DPF3: variants seen among roughly 807,000 people sequenced by gnomAD.
DPF3 encodes double PHD fingers 3.
In DPF3, 18 loss-of-function variants were observed where a neutral mutation model predicts 56.8. The ratio of observed to expected loss-of-function variants is 0.32; its 90% confidence interval spans 0.22 to 0.47. The LOEUF (loss-of-function observed/expected upper bound fraction) is 0.47. Ranked by LOEUF, DPF3 falls within the 20% of genes least tolerant of loss-of-function variation. DPF3 has a pLI of 1.00. For synonymous variants in DPF3, 188 were observed against 180.2 expected, an observed-to-expected ratio of 1.04 and a Z score of -0.35; for missense variants, 403 against 488.8, an observed-to-expected ratio of 0.82 and a Z score of 1.65.
intron 7 of DPF3, among the ~76,000 whole-genome samples, chr14:72,685,851 G>C (rs1455966222): frequency 6.6e-6 from 1 of 152,216 alleles, no homozygotes; most frequent in African/African-American, 2.4e-5. Context: ...AAGAGATTCA[G>C]AGACAGCCAA....
At chr14:72,735,826 G>A (rs902630915) in intron 3 of DPF3, among the ~76,000 whole-genome samples, 19 of 152,212 alleles carry the variant, frequency 1.2e-4, no homozygotes, top group South Asian at 4.1e-4. Flanking sequence ...CAGTGTTGGC[G>A]AATCAAACAT....
chr14:72,662,299 T>G, intron 8 of DPF3: 1 of 985,034 alleles, frequency 1.0e-6, no homozygotes, highest in East Asian at 1.1e-4. Context: ...CATTTTTCTT[T>G]AGAGTTAATA....
intron 8 of DPF3, among the ~76,000 whole-genome samples, chr14:72,647,770 C>G (rs2153568267): frequency 1.3e-5 from 2 of 152,228 alleles, no homozygotes; most frequent in Admixed American, 1.3e-4. Flanking sequence ...ATTTTAGCGT[C>G]TATTCAACTA....
intron 8 of DPF3, among the ~76,000 whole-genome samples, chr14:72,657,492 T>G (rs1409582779): frequency 6.6e-6 from 1 of 152,224 alleles, no homozygotes; most frequent in African/African-American, 2.4e-5. Context: ...GTGAGATTTT[T>G]CTGGCTGTGA....
intron 1 of DPF3, among the ~76,000 whole-genome samples, chr14:72,882,962 G>A (rs1166000459): frequency 1.3e-5 from 2 of 152,232 alleles, no homozygotes; most frequent in Admixed American, 1.3e-4. Context: ...GCTCCTCGAT[G>A]TAGGGAGGGA....
chr14:72,651,259 T>C (rs998589324), intron 8 of DPF3, among the ~76,000 whole-genome samples: 3 of 152,206 alleles, frequency 2.0e-5, no homozygotes, highest in African/African-American at 7.2e-5. Context: ...TCCTTCTTCC[T>C]GTTCAGCCAC....
intron 7 of DPF3, among the ~76,000 whole-genome samples, chr14:72,680,014 G>A (rs1567198345): frequency 6.6e-6 from 1 of 152,160 alleles, no homozygotes; most frequent in African/African-American, 2.4e-5. Flanking sequence ...CCTTTAATGA[G>A]GGCTGCGGGA....
intron 1 of DPF3, among the ~76,000 whole-genome samples, chr14:72,868,445 A>G (rs180698873): frequency 1.3e-5 from 2 of 152,284 alleles, no homozygotes; most frequent in African/African-American, 4.8e-5. Flanking sequence ...GGCTGGGAGG[A>G]ACAATGGTGC....
intron 7 of DPF3, chr14:72,675,606 GGCCTCCACTTCCTCCAT>G (rs1405814594): frequency 6.6e-6 from 1 of 152,200 alleles, no homozygotes; most frequent in Non-Finnish European, 1.5e-5. Context: ...GATTCCCTCT[GGCCTCCACTTCCTCCAT>G]GCCTCTGCTT....
rs369367089 is a variant in DPF3, at chr14:72,645,355, AGT to A, written c.872-15621_872-15620del. ...TGTCACCCAGGCTAGACTAGAGTGC[AGT>A]GGTGCAATCTTGGTTCACTGCACCT... On this transcript the variant is annotated intron_variant, in intron 8 of 10. Coordinates refer to ENST00000556509, the MANE Select transcript of DPF3 (RefSeq NM_001280542.3). 4.6e-5 allele frequency among the ~76,000 whole-genome samples: 7 copies of A among 151,404 alleles called. No individual in the cohort carries two copies. In the South Asian group the frequency reaches 1.5e-3, roughly 32 times the overall value.
intron 1 of DPF3, among the ~76,000 whole-genome samples, chr14:72,818,339 A>G (rs1883379284): frequency 6.6e-6 from 1 of 152,110 alleles, no homozygotes; most frequent in South Asian, 2.1e-4. Flanking sequence ...GAATCACAAA[A>G]GGGAAAAATA....
intron 7 of DPF3, among the ~76,000 whole-genome samples, chr14:72,685,943 T>C (rs557151283): frequency 6.6e-6 from 1 of 152,300 alleles, no homozygotes; most frequent in Non-Finnish European, 1.5e-5. Flanking sequence ...CCTCCACAGC[T>C]TTCTCTGGCT....
At chr14:72,749,610 G>A (rs1437059714) in intron 3 of DPF3, among the ~76,000 whole-genome samples, 2 of 152,240 alleles carry the variant, frequency 1.3e-5, no homozygotes, top group Non-Finnish European at 2.9e-5. Context: ...ATCTCATCTT[G>A]TAGCTCCCCT....
chr14:72,692,968 A>G, intron 7 of DPF3, 108 bp downstream of exon 7: 1 of 1,547,894 alleles, frequency 6.5e-7, no homozygotes, highest in Non-Finnish European at 8.7e-7. Context: ...GAGACCACTC[A>G]ACGGTTGCTA....
chr14:72,748,143 C>A (rs1210057735), intron 3 of DPF3, among the ~76,000 whole-genome samples: 1 of 152,234 alleles, frequency 6.6e-6, no homozygotes, highest in East Asian at 1.9e-4. Flanking sequence ...TTCCTAGAGA[C>A]TTGTTGAATG....
chr14:72,797,880 T>C (rs923468171), intron 1 of DPF3, among the ~76,000 whole-genome samples: 12 of 152,160 alleles, frequency 7.9e-5, no homozygotes, highest in Admixed American at 7.2e-4. Context: ...ATTAAAAAAT[T>C]ACCCTTCCCT....
chr14:72,670,954 A>C (rs755851386), intron 8 of DPF3: 22 of 943,120 alleles, frequency 2.3e-5, no homozygotes, highest in Non-Finnish European at 3.1e-5. Flanking sequence ...TCTGTTGTAC[A>C]TACCCAAAAC....
intron 1 of DPF3, among the ~76,000 whole-genome samples, chr14:72,774,205 G>A (rs546634063): frequency 2.7e-5 from 4 of 149,098 alleles, no homozygotes; most frequent in East Asian, 2.0e-4. Context: ...AGAAGGTTGT[G>A]GTGAGTTGGG....
intron 1 of DPF3, among the ~76,000 whole-genome samples, chr14:72,783,315 G>A (rs192723789): frequency 9.3e-4 from 141 of 152,162 alleles, no homozygotes; most frequent in Middle Eastern, 6.8e-3. Context: ...CGAGAGCAGC[G>A]TCCTTGTCTC....
Sources: gnomAD v4.1 joint callset for allele counts (sites outside exome capture counted in the v4.1 genomes callset) on GRCh38, gnomAD v4.1.1 for gene constraint, MANE v1.5 for transcripts, NCBI Gene and HGNC (gene_info 2026-07-23, HGNC 2026-07-21) for gene names.